PGLS: variants seen among roughly 807,000 people sequenced by gnomAD.
PGLS encodes the protein 6-phosphogluconolactonase.
PGLS carries 21 observed loss-of-function variants against 23.2 expected under a neutral mutation model. That is an observed-to-expected ratio of 0.91 (90% CI 0.64 to 1.31). PGLS has a LOEUF of 1.31. PGLS is among the 50% of genes most tolerant of loss of function. The pLI is 0.00. For missense variants in PGLS, 410 were observed against 354.0 expected, an observed-to-expected ratio of 1.16 and a Z score of -1.27; for synonymous variants, 179 against 165.4, an observed-to-expected ratio of 1.08 and a Z score of -0.63.
In PGLS at chr19:17,516,208, C is replaced by T. The variant is rs766872763; in HGVS notation, c.324C>T (p.Ser108=). The T allele has an allele frequency of 3.8e-5, 62 of 1,613,924 alleles. No individual in the cohort carries two copies. In the Admixed American group the frequency reaches 8.7e-4, roughly 23 times the overall value. ...TCTCCAGACTGCCGATCCCAGAAAG[C>T]CAGGTGATCACCATTAACCCCGAGC... is the stretch of plus-strand genomic sequence containing the variant. The part of the protein sequence containing the change: ...HLLSRLPIPE[S]QVITINPELP... Residue 108 remains serine (S), a synonymous_variant, in exon 2 of 5, where the codon AGC becomes AGT. Coordinates refer to ENST00000252603, the MANE Select transcript of PGLS (RefSeq NM_012088.3).
At chr19:17,517,190 C>T (rs1439480544) in intron 2 of PGLS, 98 bp from the exon 3 acceptor site, 5 of 776,698 alleles carry the variant, frequency 6.4e-6, no homozygotes, top group South Asian at 1.6e-5. Context: ...GCCACAGCTA[C>T]TTGTATTTTT....
intron 1 of PGLS, 22 bp from the exon 2 acceptor site, chr19:17,516,151 A>G: frequency 4.4e-6 from 7 of 1,588,516 alleles, no homozygotes; most frequent in South Asian, 1.1e-5. Flanking sequence ...TGTTGGTGAC[A>G]TTGTCCCTCT....
chr19:17,517,638 G>A, intron 3 of PGLS, 72 bp from the exon 4 acceptor site: 1 of 1,528,822 alleles, frequency 6.5e-7, no homozygotes, highest in South Asian at 1.1e-5. Flanking sequence ...GACCAGGCCT[G>A]GTGTGTGTAA....
At position 17,511,784 on chromosome 19, in the gene PGLS, C is replaced by A. The variant is rs754933142; in HGVS notation, c.112C>A (p.Arg38Ser). The A allele has an allele frequency of 6.7e-7, 1 of 1,497,414 alleles. No homozygotes were observed. Among genetic ancestry groups the A allele is most frequent in the Admixed American group, 2.2e-5 (1 of 46,092 alleles). The allele number at this position is 1,497,414 out of a possible 1,614,324, so 92.8% of individuals were successfully genotyped here. Residue 38 changes from arginine to serine, a missense_variant, in exon 1 of 5, where the codon CGC becomes AGC. Coordinates refer to ENST00000252603, the MANE Select transcript of PGLS (RefSeq NM_012088.3). Reference protein sequence around the residue: ...QRAACCLAGARARFALGLSGG... With the variant: ...QRAACCLAGASARFALGLSGG... ...CGCAGCATGCTGCCTGGCAGGGGCC[C>A]GCGCCCGTTTCGCGCTCGGCCTGTC...
At chr19:17,517,251 C>A in intron 2 of PGLS, 37 bp from the exon 3 acceptor site, 1 of 1,394,040 alleles carries the variant, frequency 7.2e-7, no homozygotes, top group Non-Finnish European at 1.0e-6. Flanking sequence ...CCCCTGCCAC[C>A]TACAACCTCT....
At chr19:17,513,259 G>T (rs2075517649) in intron 1 of PGLS, 1 of 152,128 alleles carries the variant, frequency 6.6e-6, no homozygotes, top group African/African-American at 2.4e-5. Context: ...GCTGGGTGCG[G>T]TGGCTCACGC....
In PGLS at chr19:17,511,729, T is replaced by TGCGGCGCTAGCGCAGCTG. The variant is rs2075507084; in HGVS notation, c.59_76dup (p.Ala20_Leu25dup). The TGCGGCGCTAGCGCAGCTG allele has an allele frequency of 6.6e-7, 1 of 1,508,426 alleles. No individual in the cohort carries two copies. The highest frequency in any genetic ancestry group is 8.8e-7 in the Non-Finnish European group (1 of 1,135,402). 93.4% of individuals were successfully genotyped at this position (1,508,426 alleles called of 1,614,324 possible). ...TGTTCTCGAGTTCCCAGGAGCTGGG[T>TGCGGCGCTAGCGCAGCTG]GCGGCGCTAGCGCAGCTGGTGGCCC... On this transcript the variant is annotated inframe_insertion, in exon 1 of 5. Coordinates refer to ENST00000252603, the MANE Select transcript of PGLS (RefSeq NM_012088.3).
intron 3 of PGLS, 137 bp from the exon 4 acceptor site, chr19:17,517,573 G>T (rs2075539092): frequency 1.9e-6 from 2 of 1,058,800 alleles, no homozygotes; most frequent in Non-Finnish European, 1.4e-6. Flanking sequence ...TTAAAACAGG[G>T]ACCTTAAACT....
intron 4 of PGLS, among the ~76,000 whole-genome samples, chr19:17,519,763 G>A (rs940563300): frequency 2.0e-5 from 3 of 152,098 alleles, no homozygotes; most frequent in Non-Finnish European, 4.4e-5. Flanking sequence ...AGCTGTTCTG[G>A]GGCCAGAACT....
intron 1 of PGLS, 54 bp downstream of exon 1, chr19:17,512,014 C>G (rs1458704269): frequency 4.7e-6 from 7 of 1,482,568 alleles, no homozygotes; most frequent in Non-Finnish European, 6.3e-6. Flanking sequence ...CAGCCACCGC[C>G]TACACCCCGG....
At chr19:17,515,964 C>T (rs1368725310) in intron 1 of PGLS, 1 of 480,160 alleles carries the variant, frequency 2.1e-6, no homozygotes. Flanking sequence ...TCACCCAGGG[C>T]TCAGGATCCT....
intron 4 of PGLS, among the ~76,000 whole-genome samples, chr19:17,518,081 TGATGA>T (rs1051767830): frequency 6.6e-6 from 1 of 151,174 alleles, no homozygotes; most frequent in African/African-American, 2.4e-5. Flanking sequence ...GAAATGAAAT[TGATGA>T]GATGAGGCCA....
intron 4 of PGLS, 41 bp downstream of exon 4, chr19:17,517,891 T>C (rs764450236): frequency 1.2e-6 from 2 of 1,609,202 alleles, no homozygotes; most frequent in South Asian, 1.1e-5. Context: ...TTCATGGGCA[T>C]GTGGGCCCCA....
Position 17,521,101 on chromosome 19 carries a change from A to G in PGLS, c.*20A>G. The G allele has an allele frequency of 6.4e-7, 1 of 1,574,596 alleles. No individual in the cohort carries two copies. The highest frequency in any genetic ancestry group is 1.4e-5 in the African/African-American group (1 of 73,532). On this transcript the variant is annotated 3_prime_UTR_variant, in exon 5 of 5. Coordinates refer to ENST00000252603, the MANE Select transcript of PGLS (RefSeq NM_012088.3). ...TTGTAGCTGGCCAGAGGGACGCCGC[A>G]GCTGGGACCAGGCACGCGGCCCATG...
rs1483995080 is a variant in PGLS, at chr19:17,511,869, G to A, written c.197G>A (p.Gly66Glu). The A allele has an allele frequency of 2.0e-6, 3 of 1,536,326 alleles. No homozygotes were observed. The highest frequency in any genetic ancestry group is 2.6e-6 in the Non-Finnish European group (3 of 1,143,390). ...CTACCCGCCGCCGTCGCCCCTGCCG[G>A]GCCAGCTAGCTTAGCGCGCTGGACG... ...RELPAAVAPA[G>E]PASLARWTLG... The change falls in exon 1 of 5, where the codon GGG becomes GAG. Residue 66 changes from glycine (G) to glutamate (E), a missense_variant. Gly to Glu is a moderately conservative substitution (Grantham distance 98). Transcript: ENST00000252603.
intron 1 of PGLS, among the ~76,000 whole-genome samples, chr19:17,515,356 C>G (rs952464215): frequency 6.6e-6 from 1 of 152,168 alleles, no homozygotes; most frequent in Non-Finnish European, 1.5e-5. Context: ...AGACTCTGCA[C>G]AAACACGAGG....
At chr19:17,516,046 C>T in intron 1 of PGLS, 127 bp from the exon 2 acceptor site, 1 of 686,254 alleles carries the variant, frequency 1.5e-6, no homozygotes, top group East Asian at 2.9e-5. Flanking sequence ...TGCACAAATG[C>T]ACCAGCCTCC....
At chr19:17,513,234 A>C (rs1375880245) in intron 1 of PGLS, 1 of 150,540 alleles carries the variant, frequency 6.6e-6, no homozygotes, top group African/African-American at 2.4e-5. Flanking sequence ...CTACTAAAAA[A>C]AAATACAAAA....
At chr19:17,514,241 G>A (rs1311568371) in intron 1 of PGLS, among the ~76,000 whole-genome samples, 3 of 152,106 alleles carry the variant, frequency 2.0e-5, no homozygotes, top group South Asian at 2.1e-4. Flanking sequence ...GGCTCTGGGC[G>A]TTCCTTGGCT....
Sources: allele counts gnomAD v4.1 joint callset (sites outside exome capture counted in the v4.1 genomes callset), GRCh38; gene constraint gnomAD v4.1.1; transcripts MANE v1.5; gene names NCBI Gene and HGNC (gene_info 2026-07-23, HGNC 2026-07-21).